The following SLCO1B1 variants were observed in gnomAD, a reference collection of about 807,000 sequenced individuals.
The protein encoded by SLCO1B1 is solute carrier organic anion transporter family member 1B1.
In SLCO1B1, 81 loss-of-function variants were observed where a neutral mutation model predicts 70.1. The observed-to-expected ratio is 1.16, with a 90% CI of 0.97 to 1.39. The LOEUF is 1.39. Among genes scored for constraint, SLCO1B1 ranks in the 40% most tolerant of loss-of-function variants. The pLI is 0.00. For missense variants in SLCO1B1, 895 were observed against 799.6 expected (o/e 1.12, Z -1.44); for synonymous variants, 283 against 271.5 (o/e 1.04, Z -0.42).
At chr12:21,219,775 T>C (rs991412056) in intron 12 of SLCO1B1, among the ~76,000 whole-genome samples, 1 of 152,196 alleles carries the variant, frequency 6.6e-6, no homozygotes, top group Non-Finnish European at 1.5e-5. Context: ...ATTTATTTAT[T>C]TTTGAGAGAC....
chr12:21,229,012 AAAG>A (rs1007920325), intron 14 of SLCO1B1, among the ~76,000 whole-genome samples: 2 of 152,078 alleles, frequency 1.3e-5, no homozygotes, highest in Non-Finnish European at 2.9e-5. Context: ...AAAAAAAAAA[AAAG>A]AGCAGTGCAT....
chr12:21,190,462 T>C (rs987589834), intron 7 of SLCO1B1, among the ~76,000 whole-genome samples: 4 of 152,150 alleles, frequency 2.6e-5, no homozygotes, highest in Admixed American at 6.6e-5. Context: ...CCAGGCATCC[T>C]CAACTCCACT....
At chr12:21,214,600 C>G (rs1202715232) in intron 11 of SLCO1B1, among the ~76,000 whole-genome samples, 1 of 135,236 alleles carries the variant, frequency 7.4e-6, no homozygotes, top group Non-Finnish European at 1.7e-5. Flanking sequence ...CCACTTCGAG[C>G]TTCCAGGCCG....
At chr12:21,138,301 A>G (rs539125260) in intron 1 of SLCO1B1, among the ~76,000 whole-genome samples, 1 of 152,288 alleles carries the variant, frequency 6.6e-6, no homozygotes, top group East Asian at 1.9e-4. Flanking sequence ...CTCCTATCAA[A>G]TTTGGAAGAA....
At chr12:21,140,026 G>A (rs1940285034) in intron 1 of SLCO1B1, among the ~76,000 whole-genome samples, 1 of 152,068 alleles carries the variant, frequency 6.6e-6, no homozygotes, top group African/African-American at 2.4e-5. Flanking sequence ...TCAATAGTAT[G>A]TATTAAATAA....
chr12:21,134,443 G>T (rs1189486283), intron 1 of SLCO1B1, among the ~76,000 whole-genome samples: 1 of 152,122 alleles, frequency 6.6e-6, no homozygotes, highest in African/African-American at 2.4e-5. Flanking sequence ...GTAGAATTCG[G>T]CTGTGAATCC....
At position 21,214,045 on chromosome 12, in the gene SLCO1B1, G is replaced by A. The variant is rs1020936855; in HGVS notation, c.1498-3074G>A. 9.9e-5 allele frequency among the ~76,000 whole-genome samples: 15 copies of A among 152,084 alleles called. 1 individual carries two copies. The highest frequency in any genetic ancestry group is 1.6e-4 in the Non-Finnish European group (11 of 68,016). On this transcript the variant is annotated intron_variant, in intron 11 of 14. Transcript: ENST00000256958. ...GTAGCTCAGAGTAATTTGATCGTCT[G>A]AAGCCTTCTCTCAGCTCGTCAAAGT...
chr12:21,175,496 T>C (rs1256898250), intron 4 of SLCO1B1, among the ~76,000 whole-genome samples: 1 of 152,084 alleles, frequency 6.6e-6, no homozygotes, highest in Non-Finnish European at 1.5e-5. Flanking sequence ...CCAAGTATAA[T>C]TACTGTGGAA....
At chr12:21,214,502 CTGCTGTCTTTTTGTT>C (rs1216384510) in intron 11 of SLCO1B1, among the ~76,000 whole-genome samples, 1 of 150,406 alleles carries the variant, frequency 6.6e-6, no homozygotes, top group African/African-American at 2.5e-5. Flanking sequence ...GCAGAGGTTA[CTGCTGTCTTTTTGTT>C]TGTCTGTGCC....
intron 2 of SLCO1B1, among the ~76,000 whole-genome samples, chr12:21,145,011 A>G (rs1393762630): frequency 6.6e-6 from 1 of 152,154 alleles, no homozygotes; most frequent in Non-Finnish European, 1.5e-5. Flanking sequence ...AATCAAGCCA[A>G]CATAATAACC....
At chr12:21,165,918 A>T (rs1158374390) in intron 2 of SLCO1B1, among the ~76,000 whole-genome samples, 9 of 152,192 alleles carry the variant, frequency 5.9e-5, no homozygotes, top group Admixed American at 5.9e-4. Flanking sequence ...GACTTAGACA[A>T]AAGTTCAACA....
intron 11 of SLCO1B1, among the ~76,000 whole-genome samples, chr12:21,212,307 TC>T (rs1210922421): frequency 9.8e-5 from 9 of 91,690 alleles, no homozygotes; most frequent in Non-Finnish European, 1.7e-4. Context: ...ATTTCTGCCT[TC>T]ATTTCGTTAT....
At chr12:21,188,607 A>T (rs931657187) in intron 7 of SLCO1B1, among the ~76,000 whole-genome samples, 2 of 152,020 alleles carry the variant, frequency 1.3e-5, no homozygotes, top group Non-Finnish European at 2.9e-5. Context: ...GTTTCTCATG[A>T]ATAGTTTAAC....
chr12:21,210,573 A>C (rs1215773146), intron 11 of SLCO1B1, among the ~76,000 whole-genome samples: 5 of 146,748 alleles, frequency 3.4e-5, no homozygotes, highest in Admixed American at 2.7e-4. Flanking sequence ...TATGAACTTT[A>C]AAGTATTTTC....
intron 8 of SLCO1B1, 134 bp from the exon 9 acceptor site, chr12:21,200,374 G>A: frequency 2.0e-6 from 1 of 504,482 alleles, no homozygotes; most frequent in Non-Finnish European, 3.5e-6. Context: ...CTGTGGTATT[G>A]CAGGCTATTC....
At chr12:21,135,961 A>G (rs1940214711) in intron 1 of SLCO1B1, among the ~76,000 whole-genome samples, 1 of 152,164 alleles carries the variant, frequency 6.6e-6, no homozygotes, top group South Asian at 2.1e-4. Flanking sequence ...ATGTTTTTGC[A>G]GTGGCTGGTA....
chr12:21,138,214 G>A lies in SLCO1B1; in HGVS notation c.-61-3300G>A, dbSNP rs185445863. On this transcript the variant is annotated intron_variant, in intron 1 of 14. Transcript: ENST00000256958. ...GAAATTGGGTCACTTTGCCTAAACC[G>A]GTTTTCTATAACCTATTAAGTATTA... Among the ~76,000 whole-genome samples the A allele has an allele frequency of 5.1e-4, 78 of 152,116 alleles. 1 individual carries two copies. Among genetic ancestry groups the A allele is most frequent in the African/African-American group, 1.5e-3 (64 of 41,502 alleles).
intron 2 of SLCO1B1, among the ~76,000 whole-genome samples, chr12:21,167,981 T>TG (rs1332186037): frequency 7.8e-6 from 1 of 127,864 alleles, no homozygotes; most frequent in Non-Finnish European, 1.5e-5. Flanking sequence ...CATGCGCAGG[T>TG]AATTTTTTTT....
At chr12:21,229,842 T>C (rs917079060) in intron 14 of SLCO1B1, among the ~76,000 whole-genome samples, 1 of 152,370 alleles carries the variant, frequency 6.6e-6, no homozygotes, top group Admixed American at 6.5e-5. Context: ...TCAATCTATA[T>C]ACATTTCATT....
Sources: allele counts gnomAD v4.1 joint callset (sites outside exome capture counted in the v4.1 genomes callset), GRCh38; gene constraint gnomAD v4.1.1; transcripts MANE v1.5; gene names NCBI Gene and HGNC (gene_info 2026-07-23, HGNC 2026-07-21).